The following SPAG16 variants were observed in gnomAD, a reference collection of about 807,000 sequenced individuals.
SPAG16 encodes sperm-associated antigen 16 protein.
Under a neutral mutation model 80.4 loss-of-function variants are expected in SPAG16, and 86 were observed. The ratio of observed to expected loss-of-function variants is 1.07; its 90% CI spans 0.90 to 1.28. The LOEUF is 1.28. Among genes scored for constraint, SPAG16 ranks in the 50% most tolerant of loss-of-function variants. The pLI, the probability that SPAG16 is intolerant of heterozygous loss-of-function variation, is 0.00. For missense variants in SPAG16, 870 were observed against 765.3 expected (o/e 1.14, Z -1.61); for synonymous variants, 294 against 265.9 (o/e 1.11, Z -1.03).
chr2:214,389,428 A>G (rs1333128860), intron 15 of SPAG16, among the ~76,000 whole-genome samples: 2 of 152,246 alleles, frequency 1.3e-5, no homozygotes, highest in African/African-American at 4.8e-5. Flanking sequence ...ATTGCAATGT[A>G]TGATGGTAGT....
intron 15 of SPAG16, among the ~76,000 whole-genome samples, chr2:214,261,549 G>C (rs1016108884): frequency 6.6e-6 from 1 of 152,178 alleles, no homozygotes; most frequent in African/African-American, 2.4e-5. Flanking sequence ...TAGGAATTGA[G>C]GGGGAGGAGG....
At chr2:213,567,611 T>C (rs1308824647) in intron 10 of SPAG16, among the ~76,000 whole-genome samples, 2 of 69,102 alleles carry the variant, frequency 2.9e-5, no homozygotes, top group African/African-American at 1.7e-4. Context: ...ATGTGCCACA[T>C]TTTCTTAATC....
Position 213,661,737 on chromosome 2 carries a change from T to C in SPAG16, c.1070+171647T>C, listed in dbSNP as rs138651595. Among the ~76,000 whole-genome samples the C allele has an allele frequency of 1.4e-3, 218 of 152,318 alleles. 3 individuals are homozygous for C. Among genetic ancestry groups the C allele is most frequent in the Admixed American group, 5.9e-3 (90 of 15,302 alleles). ...TTTAAAAAGCACAGCATTTTAATGATAATGTTATTGTTTTTCCCTGAAAGA... is the reference window on the plus strand; with the variant it reads ...TTTAAAAAGCACAGCATTTTAATGACAATGTTATTGTTTTTCCCTGAAAGA... On this transcript the variant is annotated intron_variant, in intron 10 of 15. Transcript: ENST00000331683.
Position 213,292,691 on chromosome 2 carries a change from AAAAC to A in SPAG16, c.137-3369_137-3366del, listed in dbSNP as rs1013103055. ...AAAAAAAAAACAAAAAAAACAAAAA[AAAAC>A]AAAACTATCAGAAAGATATAAATCT... On this transcript the variant is annotated intron_variant, in intron 1 of 15. Transcript: ENST00000331683. Among the ~76,000 whole-genome samples the A allele has an allele frequency of 3.2e-4, 45 of 139,744 alleles. 2 individuals carry two copies. The highest frequency in any genetic ancestry group is 1.2e-3 in the African/African-American group (44 of 35,940). 91.7% of individuals were successfully genotyped at this position (139,744 alleles called of 152,430 possible).
At chr2:213,601,820 G>T (rs1274865814) in intron 10 of SPAG16, among the ~76,000 whole-genome samples, 1 of 152,210 alleles carries the variant, frequency 6.6e-6, no homozygotes, top group African/African-American at 2.4e-5. Context: ...GGGAACAATA[G>T]GCTATACCAT....
intron 12 of SPAG16, among the ~76,000 whole-genome samples, chr2:213,979,268 G>T (rs1418633890): frequency 6.6e-6 from 1 of 151,822 alleles, no homozygotes. Context: ...AAGAAATGTT[G>T]GGGGGTATGG....
intron 14 of SPAG16, among the ~76,000 whole-genome samples, chr2:214,125,815 C>G (rs1218312768): frequency 2.0e-5 from 3 of 151,526 alleles, no homozygotes; most frequent in Non-Finnish European, 4.4e-5. Context: ...CAGGGTTTTA[C>G]TTGACATGGG....
At chr2:214,287,311 T>C (rs1693438664) in intron 15 of SPAG16, among the ~76,000 whole-genome samples, 1 of 152,236 alleles carries the variant, frequency 6.6e-6, no homozygotes, top group African/African-American at 2.4e-5. Context: ...TATAAGAACT[T>C]ATCAGTGATT....
intron 12 of SPAG16, among the ~76,000 whole-genome samples, chr2:213,980,725 T>TATATATAGAGAGAGAGAGAGAGAG (rs374274176): frequency 1.9e-5 from 2 of 104,028 alleles, no homozygotes; most frequent in African/African-American, 5.0e-5. Flanking sequence ...TATATATATA[T>TATATATAGAGAGAGAGAGAGAGAG]AGAGAGAGAG....
At chr2:214,217,981 A>C (rs1305778457) in intron 15 of SPAG16, among the ~76,000 whole-genome samples, 1 of 152,146 alleles carries the variant, frequency 6.6e-6, no homozygotes, top group Non-Finnish European at 1.5e-5. Flanking sequence ...ATCTTTTGAC[A>C]CTGACTATAT....
At chr2:213,710,317 A>G (rs1313403544) in intron 10 of SPAG16, among the ~76,000 whole-genome samples, 1 of 152,082 alleles carries the variant, frequency 6.6e-6, no homozygotes, top group African/African-American at 2.4e-5. Context: ...AGGAAATGAC[A>G]TAAATCTTCA....
chr2:214,288,695 T>G (rs1342793981), intron 15 of SPAG16, among the ~76,000 whole-genome samples: 1 of 152,072 alleles, frequency 6.6e-6, no homozygotes, highest in African/African-American at 2.4e-5. Context: ...TACTGAGTAT[T>G]TTATCATATA....
chr2:214,065,115 G>A (rs529652610), intron 13 of SPAG16, among the ~76,000 whole-genome samples: 129 of 152,090 alleles, frequency 8.5e-4, no homozygotes, highest in African/African-American at 3.0e-3. Context: ...GAAAGTTGAG[G>A]TTTAAGAAGG....
At chr2:213,324,428 T>C (rs572248526) in intron 5 of SPAG16, among the ~76,000 whole-genome samples, 7 of 152,198 alleles carry the variant, frequency 4.6e-5, no homozygotes, top group Non-Finnish European at 1.0e-4. Flanking sequence ...CCCTTCTCAG[T>C]CATTCTCTGT....
chr2:213,326,336 A>T (rs571113859), intron 5 of SPAG16, among the ~76,000 whole-genome samples: 131 of 152,176 alleles, frequency 8.6e-4, no homozygotes, highest in Middle Eastern at 3.4e-3. Flanking sequence ...TAAAAGGTCA[A>T]AGAGTGCCCA....
chr2:214,380,996 G>T (rs557582874), intron 15 of SPAG16, among the ~76,000 whole-genome samples: 3 of 152,308 alleles, frequency 2.0e-5, no homozygotes, highest in African/African-American at 7.2e-5. Flanking sequence ...AGATCCTAGG[G>T]GAATTCTTGG....
chr2:213,414,254 A>G (rs1278522591), intron 9 of SPAG16, among the ~76,000 whole-genome samples: 7 of 152,164 alleles, frequency 4.6e-5, no homozygotes, highest in Non-Finnish European at 8.8e-5. Context: ...GAGCTAATGG[A>G]TCTATGAGCT....
At chr2:213,857,764 G>A (rs1287790617) in intron 10 of SPAG16, among the ~76,000 whole-genome samples, 2 of 152,186 alleles carry the variant, frequency 1.3e-5, no homozygotes, top group Non-Finnish European at 2.9e-5. Flanking sequence ...AGCTGCCATA[G>A]ACAGTGATTC....
At chr2:214,003,650 G>C (rs542825590) in intron 12 of SPAG16, among the ~76,000 whole-genome samples, 2 of 152,304 alleles carry the variant, frequency 1.3e-5, no homozygotes, top group South Asian at 4.1e-4. Flanking sequence ...TTATTGTTTT[G>C]AGGGGAAATA....
Sources: allele counts gnomAD v4.1 joint callset (sites outside exome capture counted in the v4.1 genomes callset), GRCh38; gene constraint gnomAD v4.1.1; transcripts MANE v1.5; gene names NCBI Gene and HGNC (gene_info 2026-07-23, HGNC 2026-07-21).